MAP2K2: variants seen among roughly 807,000 people sequenced by gnomAD.
MAP2K2 encodes the protein mitogen-activated protein kinase kinase 2.
In MAP2K2, 24 loss-of-function variants were observed where a neutral mutation model predicts 43.7. The ratio of observed to expected loss-of-function variants is 0.55; its 90% CI spans 0.40 to 0.77. The LOEUF is 0.77. Ranked by LOEUF, MAP2K2 falls within the 30% of genes least tolerant of loss-of-function variation. MAP2K2 has a pLI of 0.00. For synonymous variants in MAP2K2, 244 were observed against 239.7 expected, an observed-to-expected ratio of 1.02 and a Z score of -0.17; for missense variants, 470 against 566.8, an observed-to-expected ratio of 0.83 and a Z score of 1.73.
Position 4,102,316 on chromosome 19 carries a change from T to C in MAP2K2, c.528+60A>G, listed in dbSNP as rs189374167. Reference sequence around the variant, plus strand: ...TGAGTGGCTCCCGGAACCCTGGCCGTGTGGAAGAGGTCCGTGCAGAGTGCG... The same window carrying C: ...TGAGTGGCTCCCGGAACCCTGGCCGCGTGGAAGAGGTCCGTGCAGAGTGCG... On this transcript the variant is annotated intron_variant, in intron 4 of 10. Coordinates refer to ENST00000262948, the MANE Select transcript of MAP2K2 (RefSeq NM_030662.4). 22 of 1,416,968 alleles carry C rather than the reference T, an allele frequency of 1.6e-5. No individual in the cohort carries two copies. The East Asian group carries it at 4.4e-4, about 28-fold the overall frequency. The allele number at this position is 1,416,968 out of a possible 1,614,324, so 87.8% of individuals were successfully genotyped here.
rs1278175363 is a variant in MAP2K2, at chr19:4,115,431, G to C, written c.303+1988C>G. Among the ~76,000 whole-genome samples the C allele has an allele frequency of 6.6e-6, 1 of 152,190 alleles. No individual in the cohort carries two copies. Among genetic ancestry groups the C allele is most frequent in the African/African-American group, 2.4e-5 (1 of 41,450 alleles). On this transcript the variant is annotated intron_variant, in intron 2 of 10. Transcript: ENST00000262948. The surrounding 1 kb of genome is among the most constrained non-coding windows in gnomAD (Gnocchi z 4.1). The stretch of plus-strand genomic sequence containing the variant: ...GGGACCACTGGAGGCTCCCCCAGAA[G>C]CCTGAGGGTCCCTGGCACACACGAG...
rs748732037 is a variant in MAP2K2 at position 4,110,522 on chromosome 19, C to A, written c.437G>T (p.Cys146Phe). 1 of 1,613,712 alleles carries A rather than the reference C, an allele frequency of 6.2e-7. No homozygotes were observed. The highest frequency in any genetic ancestry group is 1.7e-5 in the Admixed American group (1 of 60,018). Residue 146 changes from cysteine (C) to phenylalanine (F), a missense_variant, in exon 3 of 11, where the codon TGC becomes TTC. By Grantham distance (205) the Cys-to-Phe change is radical. Transcript: ENST00000262948. ...GGACGCACTCACCATGTGTTCCATG[C>A]AAATGCTGATCTCCCCGTCACTGTA... ...AFYSDGEISICMEHMDGGSLD... is the reference protein window; with the variant it reads ...AFYSDGEISIFMEHMDGGSLD...
chr19:4,092,489 T>C (rs1459371869), intron 10 of MAP2K2, among the ~76,000 whole-genome samples: 2 of 151,980 alleles, frequency 1.3e-5, no homozygotes, highest in African/African-American at 2.4e-5. Context: ...CTCGAGAGGC[T>C]GAGGCAGGAG....
intron 4 of MAP2K2, 95 bp downstream of exon 4, chr19:4,102,281 C>T (rs1009922454): frequency 1.1e-5 from 12 of 1,090,716 alleles, no homozygotes; most frequent in Middle Eastern, 2.0e-4. Context: ...CCCTAACCCC[C>T]ACCACACTGT....
intron 3 of MAP2K2, 127 bp downstream of exon 3, chr19:4,110,382 G>C: frequency 8.6e-7 from 1 of 1,165,996 alleles, no homozygotes; most frequent in South Asian, 1.3e-5. Context: ...ACTGCCTTGA[G>C]AAGGATCCCC....
intron 6 of MAP2K2, 106 bp downstream of exon 6, chr19:4,100,913 G>C (rs1203342017): frequency 7.7e-7 from 1 of 1,300,548 alleles, no homozygotes; most frequent in Admixed American, 2.0e-5. Context: ...CAGGAGACAT[G>C]GGGGTGAGAG....
At position 4,096,613 on chromosome 19, in the gene MAP2K2, G is replaced by A. The variant is rs570894067; in HGVS notation, c.984+666C>T. Among the ~76,000 whole-genome samples the A allele has an allele frequency of 1.6e-4, 24 of 152,298 alleles. No individual in the cohort carries two copies. In the South Asian group the frequency reaches 2.3e-3, roughly 14 times the overall value. ...GGACTGACGGAGCAGGAGCCACCCCGGGACCTACAGGTCCTTCTAGGCTCT... is the reference window on the plus strand; with the variant it reads ...GGACTGACGGAGCAGGAGCCACCCCAGGACCTACAGGTCCTTCTAGGCTCT... On this transcript the variant is annotated intron_variant, in intron 8 of 10. Coordinates refer to ENST00000262948, the MANE Select transcript of MAP2K2 (RefSeq NM_030662.4).
chr19:4,121,651 C>T (rs1158997677), intron 1 of MAP2K2, among the ~76,000 whole-genome samples: 1 of 102,536 alleles, frequency 9.8e-6, no homozygotes, highest in Non-Finnish European at 2.0e-5. Flanking sequence ...CCTGACCCCC[C>T]CCACAACATG....
intron 8 of MAP2K2, among the ~76,000 whole-genome samples, chr19:4,096,340 C>T (rs1298957003): frequency 2.0e-5 from 3 of 152,354 alleles, no homozygotes; most frequent in African/African-American, 7.2e-5. Flanking sequence ...AGGCCTAGCC[C>T]AGTCTGCAGG....
chr19:4,117,820 C>T lies in MAP2K2; in HGVS notation c.93-191G>A, dbSNP rs557333753. On this transcript the variant is annotated intron_variant, in intron 1 of 10. Coordinates refer to ENST00000262948, the MANE Select transcript of MAP2K2 (RefSeq NM_030662.4). Reference sequence around the variant, plus strand: ...ACACACCAATGACCAGAATCCAGGGCGGCTCCCCGGGAACTGAGGACGCTG... The same window carrying T: ...ACACACCAATGACCAGAATCCAGGGTGGCTCCCCGGGAACTGAGGACGCTG... 2.7e-3 allele frequency among the ~76,000 whole-genome samples: 413 copies of T among 152,300 alleles called. 2 individuals carry two copies. The highest frequency in any genetic ancestry group is 9.6e-3 in the African/African-American group (399 of 41,568).
At chr19:4,100,611 T>G in intron 6 of MAP2K2, 3 of 216,892 alleles carry the variant, frequency 1.4e-5, no homozygotes, top group South Asian at 6.5e-5. Context: ...AGTCCAGGAG[T>G]TCATGAGCAG....
rs10681431 is a variant in MAP2K2 at position 4,097,205 on chromosome 19, T to TAAA, written c.984+71_984+73dup. ...GCTCTGGTCAGAGAGAGACTCTGCC[T>TAAA]AAAAAAAAAAAAAAAAAAAAAAAGA... On this transcript the variant is annotated intron_variant, in intron 8 of 10. Coordinates refer to ENST00000262948, the MANE Select transcript of MAP2K2 (RefSeq NM_030662.4). The TAAA allele has an allele frequency of 4.2e-3, 2,365 of 567,010 alleles. 1 individual carries two copies. Among genetic ancestry groups the TAAA allele is most frequent in the East Asian group, 6.5e-3 (157 of 24,208 alleles). The allele number at this position is 567,010 out of a possible 1,614,324, so 35.1% of individuals were successfully genotyped here.
At chr19:4,097,205 TAAAAAAA>T (rs10681431) in intron 8 of MAP2K2, 67 bp downstream of exon 8, 24 of 572,868 alleles carry the variant, frequency 4.2e-5, no homozygotes, top group African/African-American at 1.4e-4. Context: ...AGACTCTGCC[TAAAAAAA>T]AAAAAAAAAA....
chr19:4,110,715 T>C (rs947424418), intron 2 of MAP2K2, 60 bp from the exon 3 acceptor site: 30 of 1,574,154 alleles, frequency 1.9e-5, no homozygotes, highest in Admixed American at 8.6e-5. Context: ...ATGAAGGCAT[T>C]TGGGGCCTCT....
At position 4,090,635 on chromosome 19, in the gene MAP2K2, AG is replaced by A; in HGVS notation, c.1165del (p.Leu389Ter). ...GCGCGTGGGTGTGCCGGGCTGGTTC[AG>A]CCGCAGGGTTTTACACAACCAGCCG... The part of the protein sequence containing the change: ...FAGWLCKTLR[L>X]NQPGTPTRTA... On this transcript the variant is annotated frameshift_variant, in exon 11 of 11. Coordinates refer to ENST00000262948, the MANE Select transcript of MAP2K2 (RefSeq NM_030662.4). LOFTEE classifies it high-confidence loss of function. 3 of 1,555,180 alleles carry A rather than the reference AG, an allele frequency of 1.9e-6. No homozygotes were observed. The highest frequency in any genetic ancestry group is 2.6e-6 in the Non-Finnish European group (3 of 1,149,496).
In MAP2K2 at chr19:4,101,266, C is replaced by G. The variant is rs1218585349; in HGVS notation, c.543G>C (p.Leu181Phe). 6.3e-7 allele frequency: 1 copy of G among 1,582,882 alleles called. No individual in the cohort carries two copies. The highest frequency in any genetic ancestry group is 8.6e-7 in the Non-Finnish European group (1 of 1,165,354). The change falls in exon 5 of 11, where the codon TTG (leucine) becomes TTC (phenylalanine). Residue 181 changes from leucine to phenylalanine, a missense_variant. Coordinates refer to ENST00000262948, the MANE Select transcript of MAP2K2 (RefSeq NM_030662.4). The surrounding 1 kb of genome is among the most constrained non-coding windows in gnomAD (Gnocchi z 6.3). ...GKVSIAVLRG[L>F]AYLREKHQIM... The stretch of plus-strand genomic sequence containing the variant: ...TCTGGTGCTTCTCTCGGAGGTACGC[C>G]AAGCCCCGGAGAACCTGCAGGGGAG...
At position 4,113,544 on chromosome 19, in the gene MAP2K2, G is replaced by A. The variant is rs952474470; in HGVS notation, c.304-2889C>T. On this transcript the variant is annotated intron_variant, in intron 2 of 10. Transcript: ENST00000262948. ...TGAGCAAGCTCAGGTTCGGAGCCTC[G>A]GAGCCATGTTCCCAGTGGCATTAGC... 3.9e-5 allele frequency among the ~76,000 whole-genome samples: 6 copies of A among 152,208 alleles called. No individual in the cohort carries two copies. The South Asian group carries it at 8.3e-4, about 21-fold the overall frequency.
At chr19:4,094,577 C>A in intron 9 of MAP2K2, 79 bp from the exon 10 acceptor site, 18 of 1,387,164 alleles carry the variant, frequency 1.3e-5, no homozygotes, top group Non-Finnish European at 1.8e-5. Context: ...CCGGGGCACC[C>A]GCGTGTGGGC....
At chr19:4,109,919 C>G (rs772136977) in intron 3 of MAP2K2, among the ~76,000 whole-genome samples, 10 of 152,224 alleles carry the variant, frequency 6.6e-5, no homozygotes, top group African/African-American at 2.4e-4. Context: ...CCCCCCAAAA[C>G]GGGAGTGTTT....
Sources: allele counts gnomAD v4.1 joint callset (sites outside exome capture counted in the v4.1 genomes callset), GRCh38; gene constraint gnomAD v4.1.1; non-coding constraint Gnocchi (gnomAD v3.1); transcripts MANE v1.5; gene names NCBI Gene and HGNC (gene_info 2026-07-23, HGNC 2026-07-21).